The following PLCH1 variants were observed in gnomAD, a reference collection of about 807,000 sequenced individuals.
The protein encoded by PLCH1 is phospholipase C eta 1.
In PLCH1, 60 loss-of-function variants were observed where a neutral mutation model predicts 126.7. The ratio of observed to expected loss-of-function variants is 0.47; its 90% CI spans 0.38 to 0.59. PLCH1 has a LOEUF of 0.59. Ranked by LOEUF, PLCH1 falls within the 20% of genes least tolerant of loss-of-function variation. The pLI is 0.00. For synonymous variants in PLCH1, 719 were observed against 734.9 expected, an observed-to-expected ratio of 0.98 and a Z score of 0.35; for missense variants, 1,723 against 2,040.0, an observed-to-expected ratio of 0.84 and a Z score of 2.99.
At chr3:155,599,994 C>T (rs890940729) in intron 2 of PLCH1, among the ~76,000 whole-genome samples, 10 of 152,104 alleles carry the variant, frequency 6.6e-5, no homozygotes, top group South Asian at 4.1e-4. Context: ...AAACAATAGG[C>T]TTCTTAAATT....
At chr3:155,519,778 C>T (rs1324954674) in intron 11 of PLCH1, among the ~76,000 whole-genome samples, 1 of 112,794 alleles carries the variant, frequency 8.9e-6, no homozygotes. Context: ...AGGACCTTTG[C>T]TTTAAAAAAA....
At chr3:155,611,596 G>A (rs1735101714) in intron 2 of PLCH1, among the ~76,000 whole-genome samples, 1 of 152,052 alleles carries the variant, frequency 6.6e-6, no homozygotes, top group Non-Finnish European at 1.5e-5. Flanking sequence ...TCCACTGACA[G>A]CACTAGACAG....
intron 2 of PLCH1, among the ~76,000 whole-genome samples, chr3:155,612,920 A>AAAAAG (rs1560247306): frequency 2.0e-5 from 3 of 151,564 alleles, no homozygotes; most frequent in East Asian, 1.9e-4. Context: ...AAAAAAAAAA[A>AAAAAG]AAAAAGAAAA....
At position 155,485,553 on chromosome 3, in the gene PLCH1, A is replaced by G; in HGVS notation, c.2777T>C (p.Met926Thr). 1.2e-6 allele frequency: 2 copies of G among 1,614,084 alleles called. No homozygotes were observed. Among genetic ancestry groups the G allele is most frequent in the South Asian group, 1.1e-5 (1 of 91,080 alleles). Residue 926 changes from methionine (M) to threonine (T), a missense_variant, in exon 22 of 23, where the codon ATG becomes ACG. Physicochemically the swap from Met to Thr is moderately conservative, Grantham distance 81 (BLOSUM62 -1). Coordinates refer to ENST00000460012, the MANE Select transcript of PLCH1 (RefSeq NM_014996.4). Reference sequence around the variant, plus strand: ...TATCTCCACCATTTCTTGGAAGCCCATTTTGCTCTTTTTCCTGCCTTTGGC... The same window carrying G: ...TATCTCCACCATTTCTTGGAAGCCCGTTTTGCTCTTTTTCCTGCCTTTGGC... ...APAKGRKKSK[M>T]GFQEMVEIKD...
intron 21 of PLCH1, among the ~76,000 whole-genome samples, chr3:155,468,517 A>C (rs1356556521): frequency 6.6e-6 from 1 of 152,174 alleles, no homozygotes; most frequent in Admixed American, 6.5e-5. Flanking sequence ...CTACACGGAC[A>C]CACATAGACT....
chr3:155,620,607 A>G (rs1275038304), intron 2 of PLCH1, among the ~76,000 whole-genome samples: 2 of 152,238 alleles, frequency 1.3e-5, no homozygotes, highest in East Asian at 1.9e-4. Context: ...AGAAAGAACC[A>G]AAGTAAGAAA....
chr3:155,606,108 C>A (rs1486729854), intron 2 of PLCH1, among the ~76,000 whole-genome samples: 1 of 152,122 alleles, frequency 6.6e-6, no homozygotes, highest in Non-Finnish European at 1.5e-5. Flanking sequence ...AAACAGATAT[C>A]AAAGCTATAC....
chr3:155,533,477 C>G (rs944509276), intron 10 of PLCH1, among the ~76,000 whole-genome samples: 1 of 152,124 alleles, frequency 6.6e-6, no homozygotes, highest in African/African-American at 2.4e-5. Flanking sequence ...ACTCAGGAGG[C>G]GGAGGTTGCA....
intron 2 of PLCH1, among the ~76,000 whole-genome samples, chr3:155,652,570 C>T (rs1740836082): frequency 6.6e-6 from 1 of 152,174 alleles, no homozygotes; most frequent in Admixed American, 6.5e-5. Flanking sequence ...ATCATTTATT[C>T]ATCAAACGCT....
chr3:155,598,366 G>T (rs1441693322), intron 2 of PLCH1, among the ~76,000 whole-genome samples: 1 of 152,084 alleles, frequency 6.6e-6, no homozygotes, highest in African/African-American at 2.4e-5. Context: ...CATCTCACAC[G>T]AGGAATTAAA....
chr3:155,591,887 G>A (rs898633004), intron 4 of PLCH1, among the ~76,000 whole-genome samples: 1 of 152,004 alleles, frequency 6.6e-6, no homozygotes, highest in African/African-American at 2.4e-5. Flanking sequence ...TTAATTGTTT[G>A]TAAAGATGGG....
intron 10 of PLCH1, among the ~76,000 whole-genome samples, chr3:155,532,421 A>C (rs1242968109): frequency 6.6e-6 from 1 of 152,132 alleles, no homozygotes; most frequent in Non-Finnish European, 1.5e-5. Context: ...GGGAATCTGA[A>C]ATTCTAGATC....
chr3:155,463,393 T>C (rs1035853904), intron 21 of PLCH1, among the ~76,000 whole-genome samples: 5 of 152,216 alleles, frequency 3.3e-5, no homozygotes, highest in Admixed American at 2.0e-4. Context: ...GTCCTTATTA[T>C]CATAACACTA....
chr3:155,460,384 A>C (rs1712667030), intron 21 of PLCH1, among the ~76,000 whole-genome samples: 1 of 152,198 alleles, frequency 6.6e-6, no homozygotes, highest in Non-Finnish European at 1.5e-5. Context: ...TTGTAGTTGG[A>C]AATGGAGTAT....
In PLCH1 at chr3:155,602,245, G is replaced by T. The variant is rs139254087; in HGVS notation, c.80-5867C>A. 4.0e-3 allele frequency among the ~76,000 whole-genome samples: 615 copies of T among 152,222 alleles called. 5 individuals carry two copies. The highest frequency in any genetic ancestry group is 0.014 in the African/African-American group (591 of 41,546). On this transcript the variant is annotated intron_variant, in intron 2 of 22. Coordinates refer to ENST00000460012, the MANE Select transcript of PLCH1 (RefSeq NM_014996.4). ...GTAAATATAGTATGATATCTTTTGTGTAAGAAAAGAATGGGAAATGTTTTA... is the reference window on the plus strand; with the variant it reads ...GTAAATATAGTATGATATCTTTTGTTTAAGAAAAGAATGGGAAATGTTTTA...
rs185082749 is a variant in PLCH1 at position 155,543,614 on chromosome 3, A to G, written c.1362+6173T>C. Among the ~76,000 whole-genome samples, 61 of 152,334 alleles carry G rather than the reference A, an allele frequency of 4.0e-4. No homozygotes were observed. In the East Asian group the frequency reaches 0.01, roughly 26 times the overall value. On this transcript the variant is annotated intron_variant, in intron 10 of 22. Coordinates refer to ENST00000460012, the MANE Select transcript of PLCH1 (RefSeq NM_014996.4). Reference sequence around the variant, plus strand: ...GATTCACCAAAGTTGAAATGACGGAAAAAATGTTAAGGGCAGCCAGAGAGA... The same window carrying G: ...GATTCACCAAAGTTGAAATGACGGAGAAAATGTTAAGGGCAGCCAGAGAGA...
chr3:155,736,598 T>C (rs1419215266), intron 1 of PLCH1, among the ~76,000 whole-genome samples: 2 of 152,204 alleles, frequency 1.3e-5, no homozygotes, highest in Non-Finnish European at 2.9e-5. Flanking sequence ...CTGAGCCAGG[T>C]TGCAGCCAAT....
At chr3:155,576,675 T>G (rs1730004194) in intron 6 of PLCH1, among the ~76,000 whole-genome samples, 1 of 152,218 alleles carries the variant, frequency 6.6e-6, no homozygotes, top group Non-Finnish European at 1.5e-5. Flanking sequence ...AATGAATTAC[T>G]GTGACACACA....
intron 2 of PLCH1, among the ~76,000 whole-genome samples, chr3:155,699,878 C>T (rs1396865162): frequency 1.3e-5 from 2 of 150,066 alleles, no homozygotes; most frequent in African/African-American, 2.5e-5. Context: ...AAGGGAAATG[C>T]AGCATTTTGC....
Sources: gnomAD v4.1 joint callset for allele counts (sites outside exome capture counted in the v4.1 genomes callset) on GRCh38, gnomAD v4.1.1 for gene constraint, MANE v1.5 for transcripts, NCBI Gene and HGNC (gene_info 2026-07-23, HGNC 2026-07-21) for gene names.